Variants in HERC1 observed in about 807,000 individuals in gnomAD.
The protein encoded by HERC1 is probable E3 ubiquitin-protein ligase HERC1.
A neutral mutation model predicts 554.3 loss-of-function variants in HERC1; 160 were observed. The observed-to-expected ratio is 0.29, with a 90% CI of 0.25 to 0.33. The LOEUF is 0.33. Ranked by LOEUF, HERC1 falls within the 10% of genes least tolerant of loss-of-function variation. The pLI is 1.00. For missense variants in HERC1, 4,919 were observed against 5,918.5 expected (o/e 0.83, Z 5.54); for synonymous variants, 2,175 against 2,131.7 (o/e 1.02, Z -0.56).
At position 63,661,687 on chromosome 15, in the gene HERC1, A is replaced by C. The variant is rs1595916440; in HGVS notation, c.9170+66T>G. On this transcript the variant is annotated intron_variant, in intron 45 of 77. Coordinates refer to ENST00000443617, the MANE Select transcript of HERC1 (RefSeq NM_003922.4). ...GTAACTCCTCACGTGAAAAATCTAC[A>C]GTTCCCAAGACTTAAGGTATGAGGT... 4.9e-5 allele frequency: 74 copies of C among 1,509,952 alleles called. No individual in the cohort carries two copies. In the South Asian group the frequency reaches 7.4e-4, roughly 15 times the overall value. 93.5% of individuals were successfully genotyped at this position (1,509,952 alleles called of 1,614,324 possible).
chr15:63,798,312 G>T (rs756218712), intron 1 of HERC1, among the ~76,000 whole-genome samples: 6 of 152,104 alleles, frequency 3.9e-5, no homozygotes, highest in Non-Finnish European at 7.4e-5. Flanking sequence ...TGACTACTCA[G>T]TGCTTAACCA....
In HERC1 at chr15:63,737,516, G is replaced by GATATAT. The variant is rs754808106; in HGVS notation, c.2521-2673_2521-2668dup. ...TATACATATATATATCTTTTTTCCA[G>GATATAT]ATATATATATATATATATATATATA... On this transcript the variant is annotated intron_variant, in intron 12 of 77. Transcript: ENST00000443617. Among the ~76,000 whole-genome samples, 19 of 46,442 alleles carry GATATAT rather than the reference G, an allele frequency of 4.1e-4. 1 individual carries two copies. The East Asian group carries it at 9.6e-3, about 24-fold the overall frequency. 30.5% of individuals were successfully genotyped at this position (46,442 alleles called of 152,430 possible). A position where few individuals can be genotyped will look rare whatever the true frequency, so the allele number is the denominator to read the frequency against.
intron 1 of HERC1, among the ~76,000 whole-genome samples, chr15:63,784,544 A>T (rs1280647087): frequency 2.0e-5 from 3 of 152,156 alleles, no homozygotes; most frequent in Non-Finnish European, 2.9e-5. Flanking sequence ...GGGGTAGGAA[A>T]GATATTTGCT....
At chr15:63,624,424 C>G in intron 71 of HERC1, 97 bp from the exon 72 acceptor site, 1 of 1,153,066 alleles carries the variant, frequency 8.7e-7, no homozygotes, top group Non-Finnish European at 1.2e-6. Flanking sequence ...TGGCTGGGCG[C>G]AGTGGCTCAT....
chr15:63,653,529 T>A (rs771684023), intron 51 of HERC1, among the ~76,000 whole-genome samples: 3 of 152,210 alleles, frequency 2.0e-5, no homozygotes, highest in Non-Finnish European at 4.4e-5. Flanking sequence ...CCAATTTCTT[T>A]TCCTTTTGCG....
At chr15:63,750,158 G>A (rs985338733) in intron 8 of HERC1, among the ~76,000 whole-genome samples, 6 of 152,010 alleles carry the variant, frequency 3.9e-5, no homozygotes, top group South Asian at 2.1e-4. Context: ...TCACTATTCC[G>A]GTGAGATTTA....
chr15:63,624,003 G>T, intron 72 of HERC1, 113 bp from the exon 73 acceptor site: 1 of 1,308,678 alleles, frequency 7.6e-7, no homozygotes, highest in Non-Finnish European at 1.1e-6. Flanking sequence ...CAAGCACTGT[G>T]CTAGGCCCAC....
At chr15:63,829,567 A>G (rs74657578) in intron 1 of HERC1, among the ~76,000 whole-genome samples, 31,990 of 94,086 alleles carry the variant, frequency 0.34, 4,707 homozygotes, top group Middle Eastern at 0.43. Flanking sequence ...GTGTGTATAT[A>G]TATATATATA....
intron 6 of HERC1, 113 bp from the exon 7 acceptor site, chr15:63,754,761 T>TAATGC: frequency 9.7e-7 from 1 of 1,033,624 alleles, no homozygotes; most frequent in South Asian, 1.7e-5. Flanking sequence ...GAGATTTTTT[T>TAATGC]AATGCAATGC....
Position 63,666,338 on chromosome 15 carries a change from T to C in HERC1, c.8323+18A>G, listed in dbSNP as rs1002259661. 5 of 1,549,790 alleles carry C rather than the reference T, an allele frequency of 3.2e-6. No individual in the cohort carries two copies. The highest frequency in any genetic ancestry group is 1.1e-5 in the South Asian group (1 of 89,520). On this transcript the variant is annotated intron_variant, in intron 41 of 77. Transcript: ENST00000443617. ...CTTCTCATATCTGTATACACTGATA[T>C]ATAAAAACTTATCCTACCTGTAGCT...
At chr15:63,770,792 TAGAG>T (rs764120324) in intron 2 of HERC1, among the ~76,000 whole-genome samples, 2 of 152,176 alleles carry the variant, frequency 1.3e-5, no homozygotes, top group Non-Finnish European at 2.9e-5. Context: ...TACTCAAGGA[TAGAG>T]AAATTCAAGA....
At position 63,609,078 on chromosome 15, in the gene HERC1, C is replaced by G; in HGVS notation, c.*3G>C. On this transcript the variant is annotated 3_prime_UTR_variant, in exon 78 of 78. Transcript: ENST00000443617. ...AGAAGGGAGGGTGAGAGCACCCGCA[C>G]GGTCAGTAGTCAGTGTCGGAGCCCT... The G allele has an allele frequency of 6.2e-7, 1 of 1,611,486 alleles. No individual in the cohort carries two copies. Among genetic ancestry groups the G allele is most frequent in the Non-Finnish European group, 8.5e-7 (1 of 1,178,462 alleles).
At chr15:63,662,884 T>TTAGAGTGTTTCA in intron 44 of HERC1, 100 bp downstream of exon 44, 6 of 840,274 alleles carry the variant, frequency 7.1e-6, no homozygotes, top group Non-Finnish European at 1.1e-5. Flanking sequence ...AAAAGACTTT[T>TTAGAGTGTTTCA]TAGAGTGTTT....
At chr15:63,780,183 C>T (rs943143177) in intron 1 of HERC1, among the ~76,000 whole-genome samples, 1 of 152,018 alleles carries the variant, frequency 6.6e-6, no homozygotes. Flanking sequence ...TTGCTCCTAT[C>T]CTATTTTAGA....
Position 63,624,892 on chromosome 15 carries a change from T to A in HERC1, c.13276-565A>T, listed in dbSNP as rs1038712626. Reference sequence around the variant, plus strand: ...GCACAAATTAAGTAATTCCAAATCCTACCATATAGAGATGCCCCATTAATA... The same window carrying A: ...GCACAAATTAAGTAATTCCAAATCCAACCATATAGAGATGCCCCATTAATA... On this transcript the variant is annotated intron_variant, in intron 71 of 77. Transcript: ENST00000443617. Among the ~76,000 whole-genome samples the A allele has an allele frequency of 5.9e-5, 9 of 152,348 alleles. 1 individual carries two copies. In the South Asian group the frequency reaches 1.9e-3, roughly 32 times the overall value.
chr15:63,665,148 C>A (rs1289083549), intron 42 of HERC1, among the ~76,000 whole-genome samples: 2 of 152,050 alleles, frequency 1.3e-5, no homozygotes, highest in Non-Finnish European at 2.9e-5. Flanking sequence ...ATTATCACAG[C>A]AATCTTTTTA....
chr15:63,696,736 T>C (rs1196676145), intron 26 of HERC1, among the ~76,000 whole-genome samples: 1 of 152,120 alleles, frequency 6.6e-6, no homozygotes, highest in African/African-American at 2.4e-5. Context: ...AGGAGATATA[T>C]GTGAAGGTTT....
At chr15:63,723,393 A>G in intron 18 of HERC1, 38 bp from the exon 19 acceptor site, 2 of 1,379,626 alleles carry the variant, frequency 1.4e-6, no homozygotes, top group Non-Finnish European at 2.0e-6. Context: ...TTAACATCAT[A>G]AATTTTGGTG....
At position 63,715,633 on chromosome 15, in the gene HERC1, A is replaced by G. The variant is rs576457475; in HGVS notation, c.4150+669T>C. The stretch of plus-strand genomic sequence containing the variant: ...AATCTCAAAACCAAAGGCATTGCTG[A>G]TCATGTTTTAGGGTACCGACTGAAT... On this transcript the variant is annotated intron_variant, in intron 22 of 77. Transcript: ENST00000443617. Among the ~76,000 whole-genome samples the G allele has an allele frequency of 3.3e-5, 5 of 152,346 alleles. No individual in the cohort carries two copies. In the East Asian group the frequency reaches 9.6e-4, roughly 29 times the overall value.
Sources: allele counts gnomAD v4.1 joint callset (sites outside exome capture counted in the v4.1 genomes callset), GRCh38; gene constraint gnomAD v4.1.1; transcripts MANE v1.5; gene names NCBI Gene and HGNC (gene_info 2026-07-23, HGNC 2026-07-21).